Variants in ARB2A observed in about 807,000 individuals in gnomAD.
The protein encoded by ARB2A is ARB2 cotranscriptional regulator A, also known as cotranscriptional regulator ARB2A.
At chr5:93,618,733 A>G in the ARB2A span, 1 of 152,352 alleles carries the variant, frequency 6.6e-6, no homozygotes, top group South Asian at 2.1e-4. Flanking sequence ...CATTTACACA[A>G]CTTAAGTTTG....
the ARB2A span, among the ~76,000 whole-genome samples, chr5:93,872,311 T>A: frequency 6.6e-6 from 1 of 152,160 alleles, no homozygotes; most frequent in Non-Finnish European, 1.5e-5. Context: ...CTAACAGATA[T>A]GATTATCCCT....
the ARB2A span, among the ~76,000 whole-genome samples, chr5:93,842,364 C>T: frequency 6.6e-6 from 1 of 152,174 alleles, no homozygotes; most frequent in African/African-American, 2.4e-5. Flanking sequence ...CAGAGTCAGT[C>T]TGGCCTACCA....
chr5:93,687,872 A>G, the ARB2A span, among the ~76,000 whole-genome samples: 1 of 152,110 alleles, frequency 6.6e-6, no homozygotes, highest in Admixed American at 6.5e-5. Flanking sequence ...CACTTTTTAA[A>G]CCTCAGATTG....
the ARB2A span, among the ~76,000 whole-genome samples, chr5:94,110,804 T>C: frequency 1.2e-4 from 19 of 152,322 alleles, no homozygotes; most frequent in East Asian, 3.3e-3. Context: ...TTTTTCCCTC[T>C]ACAGCTTTTT....
chr5:94,104,838 G>A, the ARB2A span, among the ~76,000 whole-genome samples: 135 of 152,142 alleles, frequency 8.9e-4, no homozygotes, highest in Admixed American at 4.8e-3. Context: ...ATACAAGGTT[G>A]GGTCAACATA....
At chr5:93,786,755 TG>T in the ARB2A span, among the ~76,000 whole-genome samples, 1 of 152,178 alleles carries the variant, frequency 6.6e-6, no homozygotes, top group African/African-American at 2.4e-5. Context: ...TTTATTAGTC[TG>T]GGTCACAGTC....
At chr5:93,814,738 G>T in the ARB2A span, among the ~76,000 whole-genome samples, 1 of 152,208 alleles carries the variant, frequency 6.6e-6, no homozygotes, top group South Asian at 2.1e-4. Context: ...TATGGAGTGG[G>T]TATGTTCAAC....
At chr5:93,745,004 T>C in the ARB2A span, among the ~76,000 whole-genome samples, 1 of 152,218 alleles carries the variant, frequency 6.6e-6, no homozygotes, top group Non-Finnish European at 1.5e-5. Context: ...AGTTTTCTAT[T>C]ATTATGATCT....
At chr5:93,956,773 C>T in the ARB2A span, among the ~76,000 whole-genome samples, 2 of 151,692 alleles carry the variant, frequency 1.3e-5, no homozygotes, top group African/African-American at 2.4e-5. Flanking sequence ...TTCCCTCAAC[C>T]AACACCTCCC....
the ARB2A span, among the ~76,000 whole-genome samples, chr5:93,645,078 G>A: frequency 1.3e-5 from 2 of 152,106 alleles, no homozygotes; most frequent in Admixed American, 1.3e-4. Flanking sequence ...TGAGGTTTCT[G>A]TGTAATTATT....
At chr5:93,985,684 C>T in the ARB2A span, among the ~76,000 whole-genome samples, 4 of 152,214 alleles carry the variant, frequency 2.6e-5, no homozygotes, top group African/African-American at 4.8e-5. Context: ...CTCGGCCTCC[C>T]GAGGTGCCGG....
chr5:93,840,522 C>T, the ARB2A span, among the ~76,000 whole-genome samples: 1 of 152,124 alleles, frequency 6.6e-6, no homozygotes, highest in South Asian at 2.1e-4. Context: ...AGCCAAAAAT[C>T]TGGAAGTCAC....
the ARB2A span, among the ~76,000 whole-genome samples, chr5:93,905,324 T>C: frequency 2.6e-5 from 4 of 151,618 alleles, no homozygotes; most frequent in African/African-American, 4.8e-5. Context: ...ATTGTTATGA[T>C]TCCCAGTCTC....
the ARB2A span, among the ~76,000 whole-genome samples, chr5:93,847,233 C>T: frequency 6.6e-6 from 1 of 152,178 alleles, no homozygotes; most frequent in East Asian, 1.9e-4. Context: ...CTTGCTGTTT[C>T]CACCTCATCT....
At chr5:93,993,954 G>A in the ARB2A span, among the ~76,000 whole-genome samples, 1 of 151,898 alleles carries the variant, frequency 6.6e-6, no homozygotes, top group Non-Finnish European at 1.5e-5. Context: ...AACAAAATAA[G>A]CATGGGCCAC....
At chr5:93,818,915 C>T in the ARB2A span, among the ~76,000 whole-genome samples, 8 of 151,992 alleles carry the variant, frequency 5.3e-5, no homozygotes, top group African/African-American at 1.9e-4. Flanking sequence ...TGGCCGGGCG[C>T]GGTGGCTCAC....
the ARB2A span, among the ~76,000 whole-genome samples, chr5:93,659,798 T>C: frequency 6.6e-6 from 1 of 152,168 alleles, no homozygotes; most frequent in African/African-American, 2.4e-5. Flanking sequence ...CTTTTTTCTT[T>C]AAATACATTA....
chr5:93,620,918 C>G, the ARB2A span: 1 of 1,517,484 alleles, frequency 6.6e-7, no homozygotes, highest in Non-Finnish European at 8.8e-7. Flanking sequence ...GGAGTCCGCT[C>G]GACACAAGCA....
chr5:93,741,344 C>T, the ARB2A span: 2 of 1,611,632 alleles, frequency 1.2e-6, no homozygotes, highest in East Asian at 4.5e-5. Flanking sequence ...GCTATCCAGC[C>T]CCGGAATTCG....
Sources: gnomAD v4.1 joint callset for allele counts (sites outside exome capture counted in the v4.1 genomes callset) on GRCh38, gnomAD v4.1.1 for gene constraint, MANE v1.5 for transcripts, NCBI Gene and HGNC (gene_info 2026-07-23, HGNC 2026-07-21) for gene names.